The following ERN1 variants were observed in gnomAD, a reference collection of about 807,000 sequenced individuals.
ERN1 encodes the protein endoplasmic reticulum to nucleus signaling 1.
In ERN1, 39 loss-of-function variants were observed where a neutral mutation model predicts 113.1. The observed-to-expected ratio is 0.34, with a 90% CI of 0.27 to 0.45. ERN1 has a LOEUF of 0.45. ERN1 is among the 20% of genes least tolerant of loss of function. The pLI is 1.00. For missense variants in ERN1, 976 were observed against 1,274.8 expected, an observed-to-expected ratio of 0.77 and a Z score of 3.57; for synonymous variants, 507 against 515.9, an observed-to-expected ratio of 0.98 and a Z score of 0.23.
intron 2 of ERN1, among the ~76,000 whole-genome samples, chr17:64,081,508 A>T (rs971049951): frequency 1.3e-5 from 2 of 152,248 alleles, no homozygotes; most frequent in Non-Finnish European, 2.9e-5. Flanking sequence ...AAGAGGGCTA[A>T]TAAAATTTTA....
chr17:64,092,469 A>C (rs1419557978), intron 2 of ERN1, among the ~76,000 whole-genome samples: 1 of 152,160 alleles, frequency 6.6e-6, no homozygotes, highest in African/African-American at 2.4e-5. Context: ...CACCTGCTGT[A>C]TACTCAGAAC....
chr17:64,068,640 C>A (rs1020915046), intron 6 of ERN1, among the ~76,000 whole-genome samples: 1 of 152,156 alleles, frequency 6.6e-6, no homozygotes, highest in Non-Finnish European at 1.5e-5. Flanking sequence ...CACCTTGAAG[C>A]AGGATGGCGC....
intron 1 of ERN1, among the ~76,000 whole-genome samples, chr17:64,128,274 G>A (rs1598096725): frequency 6.7e-6 from 1 of 150,112 alleles, no homozygotes. Context: ...GCCTCCCAAA[G>A]TGCTGGGATT....
At chr17:64,079,109 G>C (rs1471613039) in intron 4 of ERN1, among the ~76,000 whole-genome samples, 3 of 152,096 alleles carry the variant, frequency 2.0e-5, no homozygotes, top group African/African-American at 7.2e-5. Context: ...TATCTGGGGA[G>C]CTTTTAAAAA....
rs1159976351 is a variant in ERN1 at position 64,044,495 on chromosome 17, C to T, written c.2722-295G>A. ...CTGGCCACCTCAGGAGGAGTAAAGTCGCCTGAGATTGGAGTGTCCGTCCCA... is the reference window on the plus strand; with the variant it reads ...CTGGCCACCTCAGGAGGAGTAAAGTTGCCTGAGATTGGAGTGTCCGTCCCA... On this transcript the variant is annotated intron_variant, in intron 21 of 21. Transcript: ENST00000433197. The surrounding 1 kb of genome is among the most constrained non-coding windows in gnomAD (Gnocchi z 4.1). Among the ~76,000 whole-genome samples, 1 of 152,184 alleles carries T rather than the reference C, an allele frequency of 6.6e-6. No individual in the cohort carries two copies. The highest frequency in any genetic ancestry group is 1.5e-5 in the Non-Finnish European group (1 of 68,036).
intron 2 of ERN1, among the ~76,000 whole-genome samples, chr17:64,086,678 G>A (rs1045273125): frequency 2.0e-5 from 2 of 99,906 alleles, no homozygotes; most frequent in African/African-American, 4.0e-5. Context: ...ATGGAGTCTC[G>A]CTCTGTCGCC....
chr17:64,071,908 G>C, intron 6 of ERN1, 73 bp downstream of exon 6: 1 of 1,523,158 alleles, frequency 6.6e-7, no homozygotes, highest in Non-Finnish European at 8.9e-7. Context: ...ACCTTCTAGG[G>C]AAGGAGGCTG....
chr17:64,101,197 T>TC (rs1598080109), intron 1 of ERN1, among the ~76,000 whole-genome samples: 1 of 152,020 alleles, frequency 6.6e-6, no homozygotes, highest in African/African-American at 2.4e-5. Context: ...TCACTTGAGG[T>TC]CAGATGTTCG....
intron 2 of ERN1, among the ~76,000 whole-genome samples, chr17:64,085,450 C>T (rs934043193): frequency 2.0e-5 from 3 of 152,162 alleles, no homozygotes; most frequent in Non-Finnish European, 4.4e-5. Flanking sequence ...TGAGGATTCA[C>T]TCACTACAAT....
At position 64,124,488 on chromosome 17, in the gene ERN1, G is replaced by A. The variant is rs79691947; in HGVS notation, c.54+5488C>T. On this transcript the variant is annotated intron_variant, in intron 1 of 21. Coordinates refer to ENST00000433197, the MANE Select transcript of ERN1 (RefSeq NM_001433.5). ...TGAATCATGGGGATGGGTCTTTCCC[G>A]TGCTGTTCTTGTGATAGTGAATAAG... Among the ~76,000 whole-genome samples the A allele has an allele frequency of 1.1e-4, 16 of 152,252 alleles. No individual in the cohort carries two copies. The East Asian group carries it at 1.5e-3, about 15-fold the overall frequency.
rs1301148178 is a variant in ERN1, at chr17:64,040,449, G to C, written c.*3539C>G. On this transcript the variant is annotated 3_prime_UTR_variant, in exon 22 of 22. Transcript: ENST00000433197. ...AGAGGAGAAAGCCGTACAATCCAAA[G>C]GTCCCCCCATCTGCATGAACGGTTT... is the stretch of plus-strand genomic sequence containing the variant. 1 of 152,238 alleles carries C rather than the reference G, an allele frequency of 6.6e-6. No homozygotes were observed. Among genetic ancestry groups the C allele is most frequent in the Non-Finnish European group, 1.5e-5 (1 of 68,060 alleles). The allele number at this position is 152,238 out of a possible 1,614,324, so 9.4% of individuals were successfully genotyped here.
intron 1 of ERN1, among the ~76,000 whole-genome samples, chr17:64,104,369 G>A (rs1196922416): frequency 1.3e-5 from 2 of 152,136 alleles, no homozygotes; most frequent in Non-Finnish European, 2.9e-5. Flanking sequence ...GTACAGCAGG[G>A]AAGACCCTGC....
chr17:64,113,962 G>A (rs1598088159), intron 1 of ERN1, among the ~76,000 whole-genome samples: 3 of 151,798 alleles, frequency 2.0e-5, no homozygotes, highest in East Asian at 3.9e-4. Context: ...GATTACCGGC[G>A]TGAACCACCG....
At chr17:64,129,839 A>C (rs1337116973) in intron 1 of ERN1, 137 bp downstream of exon 1, 8 of 782,598 alleles carry the variant, frequency 1.0e-5, no homozygotes, top group Non-Finnish European at 1.1e-5. Context: ...CGAGCCTCCC[A>C]CGGCTGGGCT....
intron 1 of ERN1, among the ~76,000 whole-genome samples, chr17:64,102,127 T>A (rs1470273591): frequency 6.6e-6 from 1 of 151,606 alleles, no homozygotes; most frequent in East Asian, 1.9e-4. Flanking sequence ...TAAAAAAAAA[T>A]ACTAAAAAAT....
Position 64,054,814 on chromosome 17 carries a change from C to T in ERN1, c.1687G>A (p.Val563Met), listed in dbSNP as rs369602392. Residue 563 changes from valine to methionine, a missense_variant, in exon 14 of 22, where the codon GTG becomes ATG. Around this residue, in one of 5 missense-constraint regions of ERN1, gnomAD observed 112 missense variants for 106.2 expected, o/e 1.05. Coordinates refer to ENST00000433197, the MANE Select transcript of ERN1 (RefSeq NM_001433.5). The surrounding 1 kb of genome is among the most constrained non-coding windows in gnomAD (Gnocchi z 4.9). ...AAGGAAATTTTCCCAACTATCACCA[C>T]GCTGGTTTCCTCATCTGGGACAAAA... Reference protein sequence around the residue: ...EQDDGDEETSVVIVGKISFCP... With the variant: ...EQDDGDEETSMVIVGKISFCP... 298 of 1,608,172 alleles carry T rather than the reference C, an allele frequency of 1.9e-4. 1 individual carries two copies. The South Asian group carries it at 1.9e-3, about 10-fold the overall frequency.
At chr17:64,050,468 G>A (rs975464260) in intron 17 of ERN1, among the ~76,000 whole-genome samples, 1 of 152,190 alleles carries the variant, frequency 6.6e-6, no homozygotes, top group African/African-American at 2.4e-5. Context: ...CACGAAGTCT[G>A]AGGTAAGCTG....
chr17:64,109,124 C>CA (rs903968630), intron 1 of ERN1, among the ~76,000 whole-genome samples: 62 of 147,860 alleles, frequency 4.2e-4, no homozygotes, highest in East Asian at 7.9e-4. Context: ...AACTCCATCT[C>CA]AAAAAAAATA....
At chr17:64,122,779 T>C (rs1914986073) in intron 1 of ERN1, among the ~76,000 whole-genome samples, 1 of 152,236 alleles carries the variant, frequency 6.6e-6, no homozygotes, top group Non-Finnish European at 1.5e-5. Flanking sequence ...GATAACTGGC[T>C]TAAGAGTAAA....
Sources: gnomAD v4.1 joint callset for allele counts (sites outside exome capture counted in the v4.1 genomes callset) on GRCh38, gnomAD v4.1.1 for gene constraint, gnomAD v4.1.1 regional missense constraint, Gnocchi (gnomAD v3.1) non-coding constraint, MANE v1.5 for transcripts, NCBI Gene and HGNC (gene_info 2026-07-23, HGNC 2026-07-21) for gene names.